Variants in RHCE observed in about 807,000 individuals in gnomAD.
The protein encoded by RHCE is blood group Rh(CE) polypeptide.
RHCE carries 22 observed loss-of-function variants against 43.8 expected under a neutral mutation model. That is an observed-to-expected ratio of 0.50 (90% CI 0.36 to 0.72). RHCE has a LOEUF of 0.72. Among genes scored for constraint, RHCE ranks in the 30% least tolerant of loss-of-function variants. The pLI, the probability that RHCE is intolerant of heterozygous loss-of-function variation, is 0.00. For missense variants in RHCE, 385 were observed against 525.4 expected, an observed-to-expected ratio of 0.73 and a Z score of 2.61; for synonymous variants, 156 against 210.7, an observed-to-expected ratio of 0.74 and a Z score of 2.25.
At chr1:25,391,361 A>G (rs1646356403) in intron 4 of RHCE, among the ~76,000 whole-genome samples, 1 of 151,614 alleles carries the variant, frequency 6.6e-6, no homozygotes, top group Admixed American at 6.6e-5. Flanking sequence ...ATTTGTTTGT[A>G]TTTTTAGTAG....
intron 8 of RHCE, among the ~76,000 whole-genome samples, chr1:25,374,357 C>G (rs59454589): frequency 0.14 from 20,628 of 151,582 alleles, 4,487 homozygotes; most frequent in African/African-American, 0.46. Context: ...CAAACTGCTG[C>G]AATTACAGGT....
At position 25,411,638 on chromosome 1, in the gene RHCE, G is replaced by A. The variant is rs185876970; in HGVS notation, c.149-2769C>T. ...TCAACTCTTTGCACTTCTTCTGACA[G>A]CAAGGAGGGAGGTGCAGGGAATGTT... On this transcript the variant is annotated intron_variant, in intron 1 of 9. Coordinates refer to ENST00000294413, the MANE Select transcript of RHCE (RefSeq NM_020485.8). Among the ~76,000 whole-genome samples, 173 of 152,334 alleles carry A rather than the reference G, an allele frequency of 1.1e-3. 3 individuals carry two copies. In the South Asian group the frequency reaches 0.032, roughly 28 times the overall value.
chr1:25,412,391 G>C (rs1331188304), intron 1 of RHCE, among the ~76,000 whole-genome samples: 1 of 152,122 alleles, frequency 6.6e-6, no homozygotes, highest in African/African-American at 2.4e-5. Flanking sequence ...AGAGTTGCCT[G>C]GATAAGGGCA....
chr1:25,380,213 T>C (rs1645951811), intron 7 of RHCE, among the ~76,000 whole-genome samples: 1 of 140,748 alleles, frequency 7.1e-6, no homozygotes, highest in Admixed American at 7.3e-5. Context: ...AAAGGGTAAC[T>C]GGTTCCAGGA....
upstream of RHCE, chr1:25,420,944 C>G: frequency 6.8e-7 from 1 of 1,461,788 alleles, no homozygotes; most frequent in South Asian, 1.2e-5. Flanking sequence ...ATGGAGTTAA[C>G]ACGGAAGCAG....
intron 1 of RHCE, among the ~76,000 whole-genome samples, chr1:25,414,997 T>C (rs915093437): frequency 3.9e-5 from 6 of 152,118 alleles, no homozygotes; most frequent in African/African-American, 1.2e-4. Flanking sequence ...CCCCTAAGCA[T>C]ATCATAGGCC....
At chr1:25,379,716 C>T (rs112702891) in intron 7 of RHCE, among the ~76,000 whole-genome samples, 10,371 of 151,286 alleles carry the variant, frequency 0.069, 1,118 homozygotes, top group African/African-American at 0.23. Flanking sequence ...ACTCTGTTGC[C>T]CTGGCTGGAA....
At chr1:25,412,887 G>A (rs1438959671) in intron 1 of RHCE, among the ~76,000 whole-genome samples, 1 of 152,046 alleles carries the variant, frequency 6.6e-6, no homozygotes, top group African/African-American at 2.4e-5. Flanking sequence ...AGCCTGGCAT[G>A]GTGGCGCATG....
intron 1 of RHCE, among the ~76,000 whole-genome samples, chr1:25,412,286 C>T (rs1323996414): frequency 6.6e-6 from 1 of 152,202 alleles, no homozygotes; most frequent in Non-Finnish European, 1.5e-5. Flanking sequence ...GCCTCAGTTT[C>T]CCTGTCTGTA....
chr1:25,429,374 C>T (rs946317042), intron 1 of RHCE, among the ~76,000 whole-genome samples: 2 of 151,884 alleles, frequency 1.3e-5, no homozygotes, highest in African/African-American at 2.4e-5. Flanking sequence ...GGATGGTCTC[C>T]GATCTCCTGA....
chr1:25,370,308 A>G (rs1401775094), intron 9 of RHCE, among the ~76,000 whole-genome samples, 159 bp downstream of exon 9: 1 of 151,590 alleles, frequency 6.6e-6, no homozygotes, highest in Non-Finnish European at 1.5e-5. Context: ...ACACACATGC[A>G]TATCATGGAT....
At chr1:25,408,240 T>C (rs1462295205) in intron 2 of RHCE, among the ~76,000 whole-genome samples, 2 of 118,580 alleles carry the variant, frequency 1.7e-5, no homozygotes, top group Admixed American at 9.2e-5. Context: ...TGTGCCGAGA[T>C]AGCGCCATTG....
At chr1:25,382,572 T>A (rs1361456386) in intron 7 of RHCE, among the ~76,000 whole-genome samples, 1 of 151,500 alleles carries the variant, frequency 6.6e-6, no homozygotes, top group African/African-American at 2.4e-5. Flanking sequence ...CAGAAATCCA[T>A]CACCATGATA....
In RHCE at chr1:25,369,730, A is replaced by ATTTTTT. The variant is rs3080376; in HGVS notation, c.1227+731_1227+736dup. Among the ~76,000 whole-genome samples, 47 of 95,480 alleles carry ATTTTTT rather than the reference A, an allele frequency of 4.9e-4. 1 individual carries two copies. The highest frequency in any genetic ancestry group is 6.8e-4 in the Non-Finnish European group (35 of 51,522). 62.6% of individuals were successfully genotyped at this position (95,480 alleles called of 152,430 possible). On this transcript the variant is annotated intron_variant, in intron 9 of 9. Coordinates refer to ENST00000294413, the MANE Select transcript of RHCE (RefSeq NM_020485.8). ...GCCTGGATACTCACACACTGTAAGA[A>ATTTTTT]TTTTTTTTTTTTTTTTTTTTTTTTG...
At chr1:25,418,388 G>T (rs1200085972) in intron 1 of RHCE, among the ~76,000 whole-genome samples, 1 of 151,358 alleles carries the variant, frequency 6.6e-6, no homozygotes, top group East Asian at 1.9e-4. Flanking sequence ...TTGAGATGAA[G>T]TCTTGCTCTG....
At chr1:25,427,550 G>A (rs1477682700) in intron 2 of RHCE, among the ~76,000 whole-genome samples, 1 of 152,244 alleles carries the variant, frequency 6.6e-6, no homozygotes, top group Non-Finnish European at 1.5e-5. Context: ...CTTGGCTGGA[G>A]CCAAAAGGGC....
intron 2 of RHCE, among the ~76,000 whole-genome samples, chr1:25,426,101 G>A (rs933682008): frequency 6.6e-6 from 1 of 152,210 alleles, no homozygotes; most frequent in South Asian, 2.1e-4. Flanking sequence ...ACGAGGCAGT[G>A]CATAAAGTGT....
At chr1:25,392,810 A>C (rs1371735888) in intron 3 of RHCE, among the ~76,000 whole-genome samples, 1 of 148,706 alleles carries the variant, frequency 6.7e-6, no homozygotes, top group Non-Finnish European at 1.5e-5. Flanking sequence ...GGCTCAAGAG[A>C]TCCTTCCCTC....
Position 25,378,211 on chromosome 1 carries a change from T to A in RHCE, c.1074-2783A>T, listed in dbSNP as rs147547103. On this transcript the variant is annotated intron_variant, in intron 7 of 9. Coordinates refer to ENST00000294413, the MANE Select transcript of RHCE (RefSeq NM_020485.8). ...AGTAAAAGGAGCTTCTATACACTACTGGTGATTAGATTGGCGCAAACTACT... is the reference window on the plus strand; with the variant it reads ...AGTAAAAGGAGCTTCTATACACTACAGGTGATTAGATTGGCGCAAACTACT... Among the ~76,000 whole-genome samples the A allele has an allele frequency of 2.6e-3, 396 of 152,332 alleles. 2 individuals are homozygous for A. The highest frequency in any genetic ancestry group is 9.0e-3 in the African/African-American group (376 of 41,574).
Sources: gnomAD v4.1 joint callset for allele counts (sites outside exome capture counted in the v4.1 genomes callset) on GRCh38, gnomAD v4.1.1 for gene constraint, MANE v1.5 for transcripts, NCBI Gene and HGNC (gene_info 2026-07-23, HGNC 2026-07-21) for gene names.